The following AP4S1 variants were observed in gnomAD, a reference collection of about 807,000 sequenced individuals.
AP4S1 encodes the protein adaptor related protein complex 4 subunit sigma 1.
A neutral mutation model predicts 19.8 loss-of-function variants in AP4S1; 23 were observed. The observed-to-expected ratio is 1.16, with a 90% CI of 0.84 to 1.65. The LOEUF (loss-of-function observed/expected upper bound fraction) is 1.65. Ranked by LOEUF, AP4S1 falls within the 40% of genes most tolerant of loss-of-function variation. The pLI is 0.00. For synonymous variants in AP4S1, 46 were observed against 54.1 expected (o/e 0.85, Z 0.66); for missense variants, 166 against 172.8 (o/e 0.96, Z 0.22).
chr14:31,073,497 A>C (rs1388919644), intron 4 of AP4S1, among the ~76,000 whole-genome samples: 1 of 151,352 alleles, frequency 6.6e-6, no homozygotes, highest in African/African-American at 2.4e-5. Context: ...CTCAGAAAAA[A>C]AAAAAACCCT....
intron 5 of AP4S1, among the ~76,000 whole-genome samples, chr14:31,091,242 A>C (rs570754188): frequency 2.0e-5 from 3 of 152,316 alleles, no homozygotes; most frequent in Non-Finnish European, 2.9e-5. Context: ...GTTATCTTGG[A>C]GAAGGCGACA....
intron 4 of AP4S1, among the ~76,000 whole-genome samples, chr14:31,077,883 G>A (rs1474926759): frequency 3.3e-5 from 5 of 151,764 alleles, no homozygotes; most frequent in African/African-American, 1.2e-4. Flanking sequence ...TGACAGGCAC[G>A]TGCCACCACA....
intron 1 of AP4S1, among the ~76,000 whole-genome samples, chr14:31,063,588 C>T (rs1026192439): frequency 2.3e-4 from 35 of 152,118 alleles, no homozygotes; most frequent in African/African-American, 8.2e-4. Flanking sequence ...CCACTGTACT[C>T]CAGCCTGGGC....
chr14:31,038,941 A>C (rs910682003), intron 1 of AP4S1, among the ~76,000 whole-genome samples: 1 of 152,054 alleles, frequency 6.6e-6, no homozygotes, highest in African/African-American at 2.4e-5. Context: ...ACCACCATCA[A>C]ACATTGGGAG....
chr14:31,039,879 G>A (rs1025397030), intron 1 of AP4S1, among the ~76,000 whole-genome samples: 66 of 152,074 alleles, frequency 4.3e-4, no homozygotes, highest in Non-Finnish European at 4.6e-4. Flanking sequence ...GTGAGCCACC[G>A]CGCCCGGCCA....
At chr14:31,026,141 C>G (rs767068951) in intron 1 of AP4S1, 170 of 1,491,098 alleles carry the variant, frequency 1.1e-4, no homozygotes, top group Non-Finnish European at 5.9e-5. Context: ...GGGGAGGGGC[C>G]GCCATCCCCG....
chr14:31,084,445 A>T (rs1027271852), intron 5 of AP4S1, among the ~76,000 whole-genome samples: 13 of 152,250 alleles, frequency 8.5e-5, no homozygotes, highest in Non-Finnish European at 1.3e-4. Flanking sequence ...GACAGATTGG[A>T]TTTTAAAAAG....
At chr14:31,085,970 C>A in intron 5 of AP4S1, 1 of 315,630 alleles carries the variant, frequency 3.2e-6, no homozygotes, top group Non-Finnish European at 4.6e-6. Flanking sequence ...CTCTGTGACT[C>A]CGCCAGCATC....
At position 31,057,509 on chromosome 14, in the gene AP4S1, G is replaced by A. The variant is rs576479247; in HGVS notation, c.-71-8617G>A. Among the ~76,000 whole-genome samples the A allele has an allele frequency of 7.9e-5, 12 of 152,282 alleles. No individual in the cohort carries two copies. In the South Asian group the frequency reaches 1.7e-3, roughly 21 times the overall value. ...ACCTGCTCAATTCAATGTGTACTTC[G>A]TTCAGCCTCTTCAATCTCTCTTTTC... On this transcript the variant is annotated intron_variant, in intron 1 of 5. Transcript: ENST00000542754.
At chr14:31,070,209 G>A (rs984116300) in intron 3 of AP4S1, among the ~76,000 whole-genome samples, 3 of 151,962 alleles carry the variant, frequency 2.0e-5, no homozygotes, top group African/African-American at 7.2e-5. Context: ...GGCCAAGATG[G>A]TCTCGATCTC....
intron 1 of AP4S1, among the ~76,000 whole-genome samples, chr14:31,031,143 G>A (rs1884366796): frequency 6.6e-6 from 1 of 152,098 alleles, no homozygotes; most frequent in Non-Finnish European, 1.5e-5. Context: ...CATGTAAGAT[G>A]TACTTGCTTC....
intron 1 of AP4S1, chr14:31,026,426 A>C (rs1320389195): frequency 1.3e-4 from 2 of 15,756 alleles, no homozygotes; most frequent in Admixed American, 7.0e-4. Flanking sequence ...CCTCGGCGGG[A>C]GGGGTGGGGG....
intron 1 of AP4S1, among the ~76,000 whole-genome samples, chr14:31,048,615 C>G (rs1168024098): frequency 6.6e-6 from 1 of 151,660 alleles, no homozygotes; most frequent in East Asian, 2.0e-4. Context: ...GGCACATTCC[C>G]GTAATCCCAG....
At chr14:31,051,808 G>A (rs889197392) in intron 1 of AP4S1, among the ~76,000 whole-genome samples, 1 of 152,222 alleles carries the variant, frequency 6.6e-6, no homozygotes, top group Admixed American at 6.5e-5. Context: ...TCACAGGCAT[G>A]CACTACCACA....
At chr14:31,028,186 T>A (rs1447044440) in intron 1 of AP4S1, among the ~76,000 whole-genome samples, 5 of 151,064 alleles carry the variant, frequency 3.3e-5, no homozygotes, top group Admixed American at 3.3e-4. Context: ...TTTATTTATT[T>A]TTTTTTTTTG....
rs1287126946 is a variant in AP4S1 at position 31,093,101 on chromosome 14, A to G, written c.*66A>G. On this transcript the variant is annotated 3_prime_UTR_variant, in exon 6 of 6. Transcript: ENST00000542754. ...CGAGTACCGTGGAATACATCTCAAC[A>G]TGTTAACCCAGAAGAATCTGGAAGA... 6.8e-6 allele frequency: 10 copies of G among 1,472,674 alleles called. No individual in the cohort carries two copies. Among genetic ancestry groups the G allele is most frequent in the East Asian group, 2.6e-5 (1 of 38,392 alleles). The allele number at this position is 1,472,674 out of a possible 1,614,324, so 91.2% of individuals were successfully genotyped here. A position where few individuals can be genotyped will look rare whatever the true frequency, so the allele number is the denominator to read the frequency against.
At chr14:31,039,194 C>CT (rs34978552) in intron 1 of AP4S1, among the ~76,000 whole-genome samples, 21 of 150,800 alleles carry the variant, frequency 1.4e-4, no homozygotes, top group African/African-American at 4.1e-4. Flanking sequence ...TTTTTCTTTA[C>CT]TTTTTTTTTG....
intron 5 of AP4S1, among the ~76,000 whole-genome samples, chr14:31,084,109 G>A (rs1887802538): frequency 1.3e-5 from 2 of 152,206 alleles, no homozygotes; most frequent in Non-Finnish European, 2.9e-5. Flanking sequence ...CTGCTATAAT[G>A]GCAACCTGGA....
Position 31,093,533 on chromosome 14 carries a change from C to G in AP4S1, c.*498C>G. 6.5e-6 allele frequency: 1 copy of G among 153,324 alleles called. No homozygotes were observed. Among genetic ancestry groups the G allele is most frequent in the Non-Finnish European group, 1.5e-5 (1 of 68,904 alleles). The allele number at this position is 153,324 out of a possible 1,614,324, so 9.5% of individuals were successfully genotyped here. A position where few individuals can be genotyped will look rare whatever the true frequency, so the allele number is the denominator to read the frequency against. ...TGGCACATTCTCGGCTCACTGCAAC[C>G]TCCACTTCCGGGGTTCAAGCGATTC... On this transcript the variant is annotated 3_prime_UTR_variant, in exon 6 of 6. Coordinates refer to ENST00000542754, the MANE Select transcript of AP4S1 (RefSeq NM_001128126.3).
Sources: gnomAD v4.1 joint callset for allele counts (sites outside exome capture counted in the v4.1 genomes callset) on GRCh38, gnomAD v4.1.1 for gene constraint, MANE v1.5 for transcripts, NCBI Gene and HGNC (gene_info 2026-07-23, HGNC 2026-07-21) for gene names.